The following BLTP1 variants were observed in gnomAD, a reference collection of about 807,000 sequenced individuals.
BLTP1 encodes bridge-like lipid transfer protein family member 1.
At chr4:122,256,331 A>G in the BLTP1 span, among the ~76,000 whole-genome samples, 1 of 152,238 alleles carries the variant, frequency 6.6e-6, no homozygotes, top group African/African-American at 2.4e-5. Context: ...TTTAAGCCTA[A>G]CTTGCCTGTG....
At chr4:122,302,348 G>GT in the BLTP1 span, 1 of 605,762 alleles carries the variant, frequency 1.7e-6, no homozygotes, top group Non-Finnish European at 2.1e-6. Flanking sequence ...AGGTATTGAG[G>GT]TTTTTTTATG....
At chr4:122,173,357 A>G in the BLTP1 span, 1 of 162,068 alleles carries the variant, frequency 6.2e-6, no homozygotes. Flanking sequence ...GACTCTGCAG[A>G]GTCTTGAGGT....
At chr4:122,321,941 T>C in the BLTP1 span, among the ~76,000 whole-genome samples, 3 of 149,402 alleles carry the variant, frequency 2.0e-5, no homozygotes. Flanking sequence ...TTATCTTTTT[T>C]TTTTTTTTGT....
chr4:122,292,709 C>A, the BLTP1 span: 1 of 522,184 alleles, frequency 1.9e-6, no homozygotes, highest in Non-Finnish European at 2.5e-6. Flanking sequence ...GAGATATTTG[C>A]CTGGTTATGA....
the BLTP1 span, chr4:122,171,809 A>G: frequency 1.6e-5 from 16 of 984,626 alleles, no homozygotes; most frequent in South Asian, 4.7e-5. Context: ...GAAAAAAACA[A>G]CAATAACAAG....
chr4:122,294,993 G>C, the BLTP1 span, among the ~76,000 whole-genome samples: 2 of 152,230 alleles, frequency 1.3e-5, no homozygotes, highest in South Asian at 4.2e-4. Context: ...CAGCACAATA[G>C]ACCAAGTGGA....
At chr4:122,238,172 A>G in the BLTP1 span, 1 of 1,614,020 alleles carries the variant, frequency 6.2e-7, no homozygotes, top group Non-Finnish European at 8.5e-7. Context: ...TCAGCACCTT[A>G]GTCTTCAAGT....
At chr4:122,309,489 C>G in the BLTP1 span, 128 of 1,579,302 alleles carry the variant, frequency 8.1e-5, no homozygotes, top group East Asian at 2.1e-3. Flanking sequence ...TTTCTATATA[C>G]AGTTTAGAAC....
chr4:122,347,792 T>A, the BLTP1 span: 1 of 1,599,954 alleles, frequency 6.3e-7, no homozygotes, highest in Non-Finnish European at 8.6e-7. Flanking sequence ...AACACTGCTC[T>A]TTTTGTTATC....
chr4:122,356,487 CTGT>C, the BLTP1 span: 1 of 894,818 alleles, frequency 1.1e-6, no homozygotes, highest in Non-Finnish European at 1.7e-6. Flanking sequence ...TATCATCATC[CTGT>C]AAATCACATA....
chr4:122,323,124 A>G, the BLTP1 span, among the ~76,000 whole-genome samples: 1 of 152,060 alleles, frequency 6.6e-6, no homozygotes, highest in Non-Finnish European at 1.5e-5. Context: ...ATTACAGTTC[A>G]GGTGTTCCTA....
At chr4:122,213,058 G>T in the BLTP1 span, among the ~76,000 whole-genome samples, 3 of 152,214 alleles carry the variant, frequency 2.0e-5, no homozygotes, top group Admixed American at 6.5e-5. Context: ...TAAGAGACAG[G>T]GTCTTGCTTT....
At chr4:122,210,053 T>G in the BLTP1 span, 4 of 1,351,736 alleles carry the variant, frequency 3.0e-6, no homozygotes, top group East Asian at 1.1e-4. Flanking sequence ...TCTTACATAT[T>G]TTAGATTAAT....
the BLTP1 span, among the ~76,000 whole-genome samples, chr4:122,216,085 G>GTCTGTCTATCTATCTA: frequency 5.5e-5 from 8 of 144,402 alleles, no homozygotes; most frequent in African/African-American, 1.0e-4. Context: ...ATCTTTGTCT[G>GTCTGTCTATCTATCTA]TCTATCTATC....
chr4:122,240,425 T>A, the BLTP1 span: 1 of 1,303,772 alleles, frequency 7.7e-7, no homozygotes, highest in Non-Finnish European at 1.1e-6. Flanking sequence ...GTTATTTTCA[T>A]AATTACTCTC....
At chr4:122,200,741 T>C in the BLTP1 span, 2 of 960,002 alleles carry the variant, frequency 2.1e-6, no homozygotes, top group African/African-American at 1.8e-5. Context: ...CATTGGTTTA[T>C]CTGGAGTGCA....
the BLTP1 span, chr4:122,200,615 G>C: frequency 1.1e-6 from 1 of 870,596 alleles, no homozygotes; most frequent in African/African-American, 1.8e-5. Flanking sequence ...CCAAACTGCA[G>C]AAATACTAAT....
chr4:122,207,275 T>TA, the BLTP1 span: 42 of 1,585,048 alleles, frequency 2.6e-5, no homozygotes, highest in South Asian at 4.6e-5. Context: ...GGTAAGACAT[T>TA]AAAAAAAATT....
the BLTP1 span, chr4:122,282,155 C>T: frequency 1.2e-6 from 1 of 839,988 alleles, no homozygotes. Context: ...TTCAAAACAG[C>T]TAATTCTGTA....
Sources: allele counts gnomAD v4.1 joint callset (sites outside exome capture counted in the v4.1 genomes callset), GRCh38; gene constraint gnomAD v4.1.1; transcripts MANE v1.5; gene names NCBI Gene and HGNC (gene_info 2026-07-23, HGNC 2026-07-21).